The following ZNF652 variants were observed in gnomAD, a reference collection of about 807,000 sequenced individuals.
ZNF652 encodes the protein zinc finger protein 652.
In ZNF652, 16 loss-of-function variants were observed where a neutral mutation model predicts 45.2. The observed-to-expected ratio is 0.35, with a 90% CI of 0.24 to 0.54. ZNF652 has a LOEUF of 0.54. ZNF652 is among the 20% of genes least tolerant of loss of function. ZNF652 has a pLI of 0.91. For synonymous variants in ZNF652, 250 were observed against 260.6 expected, an observed-to-expected ratio of 0.96 and a Z score of 0.39; for missense variants, 614 against 765.6, an observed-to-expected ratio of 0.80 and a Z score of 2.34.
Position 49,293,175 on chromosome 17 carries a change from GTT to G in ZNF652, c.*5236_*5237del, listed in dbSNP as rs1336327164. Among the ~76,000 whole-genome samples, 3 of 152,296 alleles carry G rather than the reference GTT, an allele frequency of 2.0e-5. No homozygotes were observed. The East Asian group carries it at 5.8e-4, about 29-fold the overall frequency. ...CAGAAAGAAAGCCACCTTGTAAGTAGTTTCTTACTACAATACAGATTCTATCT... is the reference window on the plus strand; with the variant it reads ...CAGAAAGAAAGCCACCTTGTAAGTAGTCTTACTACAATACAGATTCTATCT... On this transcript the variant is annotated 3_prime_UTR_variant, in exon 6 of 6. Transcript: ENST00000430262.
chr17:49,300,570 G>T (rs529285444), intron 5 of ZNF652, among the ~76,000 whole-genome samples: 1 of 152,238 alleles, frequency 6.6e-6, no homozygotes, highest in South Asian at 2.1e-4. Flanking sequence ...CAATCATTTT[G>T]TATGGGATGC....
chr17:49,347,735 G>GGTTTTTTTTTTTTTTT lies in ZNF652; in HGVS notation c.-259+14173_-259+14174insAAAAAAAAAAAAAAAC, dbSNP rs1481178311. Among the ~76,000 whole-genome samples the GGTTTTTTTTTTTTTTT allele has an allele frequency of 1.6e-5, 2 of 124,410 alleles. 1 individual carries two copies. The highest frequency in any genetic ancestry group is 3.2e-5 in the Non-Finnish European group (2 of 61,822). 81.6% of individuals were successfully genotyped at this position (124,410 alleles called of 152,430 possible). On this transcript the variant is annotated intron_variant, in intron 1 of 5. Transcript: ENST00000430262. Reference sequence around the variant, plus strand: ...TGCCTGCAAGAAAAATTGAACCTTGGTTTTGTTTTTTTTTTTTTTTTTTTT... The same window carrying GGTTTTTTTTTTTTTTT: ...TGCCTGCAAGAAAAATTGAACCTTGGGTTTTTTTTTTTTTTTTTTTGTTTTTTTTTTTTTTTTTTTT...
intron 1 of ZNF652, among the ~76,000 whole-genome samples, chr17:49,319,690 G>A (rs1050347098): frequency 6.7e-6 from 1 of 149,070 alleles, no homozygotes; most frequent in Non-Finnish European, 1.5e-5. Flanking sequence ...TGCCTAGGCT[G>A]GAATGCAGTG....
At chr17:49,361,725 G>A (rs1478149464) in intron 1 of ZNF652, among the ~76,000 whole-genome samples, 184 bp downstream of exon 1, 2 of 152,112 alleles carry the variant, frequency 1.3e-5, no homozygotes, top group African/African-American at 4.8e-5. Context: ...TGCCTGAGGA[G>A]CTCAGCGCCC....
intron 1 of ZNF652, among the ~76,000 whole-genome samples, chr17:49,340,937 C>T (rs567987157): frequency 1.3e-5 from 2 of 152,166 alleles, no homozygotes; most frequent in South Asian, 4.1e-4. Flanking sequence ...AAAGTATGGC[C>T]AGGTGCAGTG....
rs1180569243 is a variant in ZNF652 at position 49,312,735 on chromosome 17, T to C, written c.1011A>G (p.Lys337=). The C allele has an allele frequency of 2.5e-6, 4 of 1,614,034 alleles. No individual in the cohort carries two copies. Among genetic ancestry groups the C allele is most frequent in the Non-Finnish European group, 3.4e-6 (4 of 1,180,014 alleles). ...TCCGCACATGAGCCATGGTATAGAA[T>C]TTCTTCTCACAAATTTCACAGGAAA... The part of the protein sequence containing the change: ...KKFSCEICEK[K]FYTMAHVRKH... Residue 337 remains lysine (K), a synonymous_variant, in exon 3 of 6, where the codon AAA becomes AAG. Coordinates refer to ENST00000430262, the MANE Select transcript of ZNF652 (RefSeq NM_001145365.3).
intron 1 of ZNF652, among the ~76,000 whole-genome samples, chr17:49,353,337 AT>A (rs1218747881): frequency 6.6e-6 from 1 of 151,888 alleles, no homozygotes; most frequent in African/African-American, 2.4e-5. Flanking sequence ...CACCTGGCTA[AT>A]TTTTTGATTT....
At chr17:49,352,810 A>AGT (rs2070296089) in intron 1 of ZNF652, among the ~76,000 whole-genome samples, 1 of 152,232 alleles carries the variant, frequency 6.6e-6, no homozygotes, top group Non-Finnish European at 1.5e-5. Flanking sequence ...AAAAGGAACA[A>AGT]ACTGTTGATA....
In ZNF652 at chr17:49,298,316, GGA is replaced by G; in HGVS notation, c.*95_*96del. 1.4e-6 allele frequency: 2 copies of G among 1,475,532 alleles called. No homozygotes were observed. The highest frequency in any genetic ancestry group is 9.2e-7 in the Non-Finnish European group (1 of 1,088,004). The allele number at this position is 1,475,532 out of a possible 1,614,324, so 91.4% of individuals were successfully genotyped here. On this transcript the variant is annotated 3_prime_UTR_variant, in exon 6 of 6. Transcript: ENST00000430262. ...TGGCGAAGCTCTTGGTAGAGGCGGAGGAGAGTCTGAGAACTAAGGAAATGCTC... is the reference window on the plus strand; with the variant it reads ...TGGCGAAGCTCTTGGTAGAGGCGGAGGAGTCTGAGAACTAAGGAAATGCTC...
At position 49,290,427 on chromosome 17, in the gene ZNF652, G is replaced by A. The variant is rs1157450510; in HGVS notation, c.*7986C>T. The A allele has an allele frequency of 1.3e-5, 2 of 152,252 alleles. No homozygotes were observed. The highest frequency in any genetic ancestry group is 4.8e-5 in the African/African-American group (2 of 41,464). The allele number at this position is 152,252 out of a possible 1,614,324, so 9.4% of individuals were successfully genotyped here. ...CTAACCTGGAGTGCCCGTTGCACTG[G>A]TCAGGAGGAAGTGCCTGACCTAGAG... On this transcript the variant is annotated 3_prime_UTR_variant, in exon 6 of 6. Transcript: ENST00000430262.
chr17:49,362,259 G>C (rs555886323), upstream of ZNF652: 1,707 of 149,928 alleles, frequency 0.011, 23 homozygotes, highest in Middle Eastern at 0.021. Flanking sequence ...GCGGCGGCGA[G>C]GACGCGCGCG....
chr17:49,314,724 C>A (rs1280127801), intron 2 of ZNF652, among the ~76,000 whole-genome samples: 2 of 152,138 alleles, frequency 1.3e-5, no homozygotes, highest in East Asian at 1.9e-4. Flanking sequence ...CTTAAGGGAA[C>A]ATGTTAATAT....
At chr17:49,351,007 A>G (rs1201366322) in intron 1 of ZNF652, among the ~76,000 whole-genome samples, 222 of 21,442 alleles carry the variant, frequency 0.01, 8 homozygotes, top group African/African-American at 0.04. Context: ...ATATATATAT[A>G]TATATATACA....
chr17:49,356,704 G>A (rs915830335), intron 1 of ZNF652, among the ~76,000 whole-genome samples: 1 of 152,046 alleles, frequency 6.6e-6, no homozygotes, highest in Non-Finnish European at 1.5e-5. Flanking sequence ...TGAGTCCACT[G>A]ATGGGCAAGC....
At chr17:49,343,082 A>G (rs2070166926) in intron 1 of ZNF652, among the ~76,000 whole-genome samples, 1 of 151,848 alleles carries the variant, frequency 6.6e-6, no homozygotes, top group South Asian at 2.1e-4. Flanking sequence ...GGATTTCACT[A>G]TGTTGGCCAG....
rs1283707257 is a variant in ZNF652, at chr17:49,292,646, C to T, written c.*5767G>A. Among the ~76,000 whole-genome samples, 1 of 152,008 alleles carries T rather than the reference C, an allele frequency of 6.6e-6. No homozygotes were observed. Among genetic ancestry groups the T allele is most frequent in the African/African-American group, 2.4e-5 (1 of 41,388 alleles). On this transcript the variant is annotated 3_prime_UTR_variant, in exon 6 of 6. Coordinates refer to ENST00000430262, the MANE Select transcript of ZNF652 (RefSeq NM_001145365.3). ...AAAGGGGAGGCATTCAGGAAGACTT[C>T]AGTTGAGAAAAAGGTGTTCAAAAGA...
chr17:49,305,060 C>T (rs1170875948), intron 5 of ZNF652, among the ~76,000 whole-genome samples: 1 of 152,126 alleles, frequency 6.6e-6, no homozygotes, highest in African/African-American at 2.4e-5. Flanking sequence ...AGCAAACCTG[C>T]TCTTCCCTCT....
In ZNF652 at chr17:49,296,304, C is replaced by T. The variant is rs757428136; in HGVS notation, c.*2109G>A. Reference sequence around the variant, plus strand: ...TGCCTCATTCCAAAATTTTCCTATGCTCATTATATAAGACAGGCAAAATCA... The same window carrying T: ...TGCCTCATTCCAAAATTTTCCTATGTTCATTATATAAGACAGGCAAAATCA... On this transcript the variant is annotated 3_prime_UTR_variant, in exon 6 of 6. Transcript: ENST00000430262. The T allele has an allele frequency of 1.3e-5, 2 of 152,486 alleles. No homozygotes were observed. Among genetic ancestry groups the T allele is most frequent in the African/African-American group, 2.4e-5 (1 of 41,386 alleles). The allele number at this position is 152,486 out of a possible 1,614,324, so 9.4% of individuals were successfully genotyped here. A position where few individuals can be genotyped will look rare whatever the true frequency, so the allele number is the denominator to read the frequency against.
At position 49,328,982 on chromosome 17, in the gene ZNF652, T is replaced by C. The variant is rs2069995423; in HGVS notation, c.-258-10999A>G. On this transcript the variant is annotated intron_variant, in intron 1 of 5. Transcript: ENST00000430262. ...AATGGTAAACAACAGTCTCAAAAGA[T>C]GTACTTAGGTTTTTGAACAACAAAA... Among the ~76,000 whole-genome samples the C allele has an allele frequency of 3.9e-5, 6 of 152,340 alleles. No individual in the cohort carries two copies. In the South Asian group the frequency reaches 1.2e-3, roughly 32 times the overall value.
Sources: allele counts gnomAD v4.1 joint callset (sites outside exome capture counted in the v4.1 genomes callset), GRCh38; gene constraint gnomAD v4.1.1; transcripts MANE v1.5; gene names NCBI Gene and HGNC (gene_info 2026-07-23, HGNC 2026-07-21).